Variants in RBFOX1 observed in about 807,000 individuals in gnomAD.
RBFOX1 encodes RNA binding fox-1 homolog 1, also known as RNA binding protein fox-1 homolog 1.
RBFOX1 carries 8 observed loss-of-function variants against 57.7 expected under a neutral mutation model. The observed-to-expected ratio is 0.14, with a 90% confidence interval of 0.08 to 0.25. RBFOX1 has a LOEUF of 0.25. RBFOX1 is among the 10% of genes least tolerant of loss of function. RBFOX1 has a pLI of 1.00. For synonymous variants in RBFOX1, 326 were observed against 222.4 expected, an observed-to-expected ratio of 1.47 and a Z score of -4.15; for missense variants, 611 against 548.5, an observed-to-expected ratio of 1.11 and a Z score of -1.14.
At chr16:7,414,471 A>C (rs1350554249) in intron 4 of RBFOX1, among the ~76,000 whole-genome samples, 1 of 152,238 alleles carries the variant, frequency 6.6e-6, no homozygotes, top group Non-Finnish European at 1.5e-5. Flanking sequence ...TGTGAGCCAC[A>C]GAATTTAACA....
intron 4 of RBFOX1, among the ~76,000 whole-genome samples, chr16:7,351,709 C>G (rs1460578816): frequency 1.3e-5 from 2 of 152,152 alleles, no homozygotes; most frequent in Non-Finnish European, 1.5e-5. Flanking sequence ...ACTTTACTCT[C>G]CCATGCCCTA....
chr16:6,089,349 A>C (rs986561693), intron 1 of RBFOX1, among the ~76,000 whole-genome samples: 2 of 152,122 alleles, frequency 1.3e-5, no homozygotes, highest in African/African-American at 4.8e-5. Context: ...TTCTGGTCAG[A>C]GGAAACAGCA....
intron 3 of RBFOX1, among the ~76,000 whole-genome samples, chr16:6,801,722 G>A (rs1166519158): frequency 1.3e-5 from 2 of 152,080 alleles, no homozygotes; most frequent in Admixed American, 6.5e-5. Context: ...AACTGGGGAG[G>A]AAGAGAGTTT....
rs866871518 is a variant in RBFOX1, at chr16:6,035,967, C to A, written c.-127+15975C>A. ...CTTATTTTGTAACAGTAATTGGGTG[C>A]CTGAAGAATACTCCTCTTTCCTGAG... On this transcript the variant is annotated intron_variant, in intron 1 of 15. Coordinates refer to ENST00000550418, the MANE Select transcript of RBFOX1 (RefSeq NM_018723.4). 3.8e-4 allele frequency among the ~76,000 whole-genome samples: 58 copies of A among 152,108 alleles called. 1 individual carries two copies. Among genetic ancestry groups the A allele is most frequent in the Admixed American group, 2.2e-3 (33 of 15,272 alleles).
At chr16:7,197,440 G>GAAAAAAAAAAAAAAAAAAAAAAAAAAA (rs57893229) in intron 4 of RBFOX1, among the ~76,000 whole-genome samples, 3 of 91,324 alleles carry the variant, frequency 3.3e-5, no homozygotes, top group African/African-American at 4.3e-5. Context: ...CCTGTGAGTG[G>GAAAAAAAAAAAAAAAAAAAAAAAAAAA]AAAAAAAAAA....
At chr16:7,122,780 C>A (rs1378321893) in intron 4 of RBFOX1, among the ~76,000 whole-genome samples, 1 of 152,118 alleles carries the variant, frequency 6.6e-6, no homozygotes, top group African/African-American at 2.4e-5. Context: ...TATAGCAACT[C>A]TACCATAGCC....
intron 1 of RBFOX1, among the ~76,000 whole-genome samples, chr16:5,367,690 A>G (rs1235666356): frequency 6.6e-6 from 1 of 152,180 alleles, no homozygotes; most frequent in Non-Finnish European, 1.5e-5. Context: ...GCATGATTTC[A>G]CTTAATCTTC....
chr16:5,829,312 G>A (rs557318791), intron 3 of RBFOX1, among the ~76,000 whole-genome samples: 1 of 152,266 alleles, frequency 6.6e-6, no homozygotes, highest in South Asian at 2.1e-4. Context: ...TTCAAGCAGG[G>A]GAGTCACATG....
intron 4 of RBFOX1, among the ~76,000 whole-genome samples, chr16:7,249,942 C>A (rs1477674507): frequency 6.6e-6 from 1 of 152,206 alleles, no homozygotes; most frequent in Non-Finnish European, 1.5e-5. Context: ...GTTTAAGAGA[C>A]TCTTTCTCTA....
At chr16:5,276,835 C>G (rs1343558765) in intron 1 of RBFOX1, among the ~76,000 whole-genome samples, 1 of 152,114 alleles carries the variant, frequency 6.6e-6, no homozygotes, top group Admixed American at 6.6e-5. Flanking sequence ...CGCTTTTACA[C>G]TGATGGTGGG....
chr16:5,864,317 C>T (rs749380017), intron 3 of RBFOX1, among the ~76,000 whole-genome samples: 15 of 152,128 alleles, frequency 9.9e-5, no homozygotes, highest in Admixed American at 2.6e-4. Context: ...CTGGTTTAAA[C>T]GTATATTTAA....
At chr16:6,590,866 A>C (rs1255997150) in intron 2 of RBFOX1, among the ~76,000 whole-genome samples, 1 of 152,090 alleles carries the variant, frequency 6.6e-6, no homozygotes, top group Admixed American at 6.5e-5. Context: ...TTGTACAGTT[A>C]TAAGGAGTGA....
chr16:7,173,945 G>A (rs2081193510), intron 4 of RBFOX1, among the ~76,000 whole-genome samples: 1 of 152,178 alleles, frequency 6.6e-6, no homozygotes, highest in Non-Finnish European at 1.5e-5. Context: ...GTGACGCAGA[G>A]AAACGAAATG....
At chr16:5,555,001 C>A (rs992611423) in intron 2 of RBFOX1, among the ~76,000 whole-genome samples, 1 of 152,090 alleles carries the variant, frequency 6.6e-6, no homozygotes, top group African/African-American at 2.4e-5. Context: ...TGTTTATGGT[C>A]ACAGACTGCA....
At chr16:5,776,141 C>T (rs190430679) in intron 3 of RBFOX1, among the ~76,000 whole-genome samples, 7 of 152,314 alleles carry the variant, frequency 4.6e-5, no homozygotes, top group Non-Finnish European at 8.8e-5. Context: ...GGCATTACAA[C>T]GTTCTTGGAA....
rs1247661285 is a variant in RBFOX1 at position 5,916,726 on chromosome 16, C to A, written c.351+49391C>A. The stretch of plus-strand genomic sequence containing the variant: ...AGAAAGCTGCCGGGTCAGCACCACC[C>A]CCCACACTAAGCTGCTTATCTCTGA... On this transcript the variant is annotated intron_variant, in intron 4 of 19. Coordinates refer to the RBFOX1 transcript ENST00000641259. Among the ~76,000 whole-genome samples, 4 of 152,094 alleles carry A rather than the reference C, an allele frequency of 2.6e-5. No individual in the cohort carries two copies. In the East Asian group the frequency reaches 7.7e-4, roughly 29 times the overall value.
intron 3 of RBFOX1, among the ~76,000 whole-genome samples, chr16:6,982,385 A>G (rs1400342952): frequency 6.6e-6 from 1 of 152,194 alleles, no homozygotes; most frequent in Non-Finnish European, 1.5e-5. Flanking sequence ...AGAACACTGA[A>G]TATCATTCCA....
At chr16:6,872,396 C>G (rs77141215) in intron 3 of RBFOX1, among the ~76,000 whole-genome samples, 3 of 152,156 alleles carry the variant, frequency 2.0e-5, no homozygotes, top group African/African-American at 7.2e-5. Flanking sequence ...ATGACCATAG[C>G]TCTTTTTTTA....
At chr16:7,147,721 G>A (rs2199666) in intron 4 of RBFOX1, among the ~76,000 whole-genome samples, 22,280 of 152,078 alleles carry the variant, frequency 0.15, 1,712 homozygotes, top group East Asian at 0.25. Context: ...ATCTGCCATT[G>A]ATGGGTATCT....
Sources: gnomAD v4.1 joint callset for allele counts (sites outside exome capture counted in the v4.1 genomes callset) on GRCh38, gnomAD v4.1.1 for gene constraint, MANE v1.5 for transcripts, NCBI Gene and HGNC (gene_info 2026-07-23, HGNC 2026-07-21) for gene names.